The following ABR variants were observed in gnomAD, a reference collection of about 807,000 sequenced individuals.
The protein encoded by ABR is active breakpoint cluster region-related protein.
Under a neutral mutation model 107.2 loss-of-function variants are expected in ABR, and 35 were observed. The ratio of observed to expected loss-of-function variants is 0.33; its 90% CI spans 0.25 to 0.43. The LOEUF (loss-of-function observed/expected upper bound fraction) is 0.43. ABR is among the 20% of genes least tolerant of loss of function. ABR has a pLI of 1.00. For synonymous variants in ABR, 498 were observed against 462.0 expected (o/e 1.08, Z -1.00); for missense variants, 815 against 1,115.2 (o/e 0.73, Z 3.83).
intron 1 of ABR, among the ~76,000 whole-genome samples, chr17:1,136,965 C>T (rs1487673455): frequency 1.3e-5 from 2 of 151,946 alleles, no homozygotes; most frequent in African/African-American, 4.8e-5. Flanking sequence ...TCCAGCCTAT[C>T]TTGGCTTTCA....
chr17:1,063,991 G>A (rs1236730704), intron 10 of ABR, among the ~76,000 whole-genome samples: 3 of 145,178 alleles, frequency 2.1e-5, no homozygotes, highest in African/African-American at 7.6e-5. Context: ...ACACTGTTAT[G>A]TGAACTGAGG....
At chr17:1,065,468 T>C (rs1405164425) in intron 10 of ABR, among the ~76,000 whole-genome samples, 3 of 97,226 alleles carry the variant, frequency 3.1e-5, no homozygotes, top group African/African-American at 1.0e-4. Context: ...GGGCTATGCA[T>C]GTTCCTCTAG....
intron 6 of ABR, among the ~76,000 whole-genome samples, chr17:1,074,840 G>C (rs541271191): frequency 1.2e-4 from 18 of 152,326 alleles, no homozygotes; most frequent in Admixed American, 1.1e-3. Flanking sequence ...CAGCTATTTG[G>C]GAGGCTGAGG....
chr17:1,170,858 A>G (rs1035302201), intron 1 of ABR, among the ~76,000 whole-genome samples: 2 of 152,212 alleles, frequency 1.3e-5, no homozygotes, highest in African/African-American at 2.4e-5. Context: ...GTTTCTATCT[A>G]TGTCCCTCTA....
chr17:1,184,398 T>A (rs1421703107), upstream of ABR, among the ~76,000 whole-genome samples: 3 of 151,828 alleles, frequency 2.0e-5, no homozygotes, highest in African/African-American at 7.3e-5. Flanking sequence ...GAGCTTGCAG[T>A]GAGCTGAGAT....
At chr17:1,145,818 C>T (rs536191881) in intron 1 of ABR, among the ~76,000 whole-genome samples, 3 of 152,320 alleles carry the variant, frequency 2.0e-5, no homozygotes, top group East Asian at 1.9e-4. Flanking sequence ...GGGCTCCTGC[C>T]CCTGTCCGCA....
upstream of ABR, chr17:1,182,329 C>T (rs1302371069): frequency 2.6e-5 from 4 of 152,230 alleles, no homozygotes; most frequent in Admixed American, 2.6e-4. Context: ...AGGGCTGGGA[C>T]TTGAACCCTG....
At chr17:1,080,509 G>T (rs1355669480) in intron 5 of ABR, among the ~76,000 whole-genome samples, 3 of 152,126 alleles carry the variant, frequency 2.0e-5, no homozygotes, top group Non-Finnish European at 4.4e-5. Context: ...GGGTGTGGGA[G>T]GGAAGGCAGG....
chr17:1,026,160 C>A (rs2072176057), intron 16 of ABR, among the ~76,000 whole-genome samples: 1 of 152,250 alleles, frequency 6.6e-6, no homozygotes, highest in Non-Finnish European at 1.5e-5. Context: ...CTGTTCAGCT[C>A]CTTCATTGAG....
upstream of ABR, among the ~76,000 whole-genome samples, chr17:1,182,529 G>C (rs2042168316): frequency 1.3e-5 from 2 of 152,150 alleles, no homozygotes; most frequent in South Asian, 4.1e-4. Flanking sequence ...CACCACGCCT[G>C]GCTAATTTTT....
chr17:1,024,251 C>G (rs2071988121), intron 16 of ABR, among the ~76,000 whole-genome samples: 1 of 152,188 alleles, frequency 6.6e-6, no homozygotes, highest in African/African-American at 2.4e-5. Context: ...ACCGTCTTGC[C>G]TGTTGCTATG....
Position 1,173,545 on chromosome 17 carries a change from C to T in ABR, c.61+6122G>A, listed in dbSNP as rs145884041. 4.2e-3 allele frequency among the ~76,000 whole-genome samples: 639 copies of T among 152,008 alleles called. 1 individual carries two copies. Among genetic ancestry groups the T allele is most frequent in the East Asian group, 0.015 (74 of 5,080 alleles). On this transcript the variant is annotated intron_variant, in intron 1 of 22. Transcript: ENST00000302538. ...CTCCAATCATAAACCCTGGCAAAAGCGCGAGACTCCCTTTGGGGGTCTCTG... is the reference window on the plus strand; with the variant it reads ...CTCCAATCATAAACCCTGGCAAAAGTGCGAGACTCCCTTTGGGGGTCTCTG...
Position 1,059,591 on chromosome 17 carries a change from G to C in ABR, c.1183-724C>G, listed in dbSNP as rs138759344. On this transcript the variant is annotated intron_variant, in intron 10 of 22. Coordinates refer to ENST00000302538, the MANE Select transcript of ABR (RefSeq NM_021962.5). The stretch of plus-strand genomic sequence containing the variant: ...AGGGTTCCAGCCTCCCTGCCCGGCA[G>C]ACAACCCACCAGGTCCCGTCGGCTC... 5.4e-3 allele frequency among the ~76,000 whole-genome samples: 828 copies of C among 152,254 alleles called. 7 individuals are homozygous for C. The highest frequency in any genetic ancestry group is 0.019 in the African/African-American group (791 of 41,542).
intron 14 of ABR, among the ~76,000 whole-genome samples, chr17:1,055,051 T>C (rs4968155): frequency 0.019 from 2,832 of 152,222 alleles, 80 homozygotes; most frequent in Admixed American, 0.073. Flanking sequence ...GACTCACAGA[T>C]TCCCGTGTGG....
At chr17:1,177,945 G>C (rs1247737146) in intron 1 of ABR, 1 of 152,414 alleles carries the variant, frequency 6.6e-6, no homozygotes, top group African/African-American at 2.4e-5. Context: ...GCCTCTGCAG[G>C]GGAAGGAGCA....
chr17:1,037,282 G>C lies in ABR; in HGVS notation c.1791+12768C>G, dbSNP rs1246620171. On this transcript the variant is annotated intron_variant, in intron 16 of 22. Transcript: ENST00000302538. The surrounding 1 kb of genome is among the most constrained non-coding windows in gnomAD (Gnocchi z 4.6). The stretch of plus-strand genomic sequence containing the variant: ...TGTCCTCCCAACTCCCCAAAGGCCT[G>C]TGCCGGCTCATAGGGCAGTCCCGAG... 6.6e-6 allele frequency among the ~76,000 whole-genome samples: 1 copy of C among 152,222 alleles called. No individual in the cohort carries two copies. Among genetic ancestry groups the C allele is most frequent in the Admixed American group, 6.5e-5 (1 of 15,286 alleles).
chr17:1,090,612 G>A (rs1432529346), intron 4 of ABR, among the ~76,000 whole-genome samples: 1 of 152,230 alleles, frequency 6.6e-6, no homozygotes, highest in African/African-American at 2.4e-5. Flanking sequence ...TGACGCCGGA[G>A]GCAGGGAGCT....
intron 1 of ABR, among the ~76,000 whole-genome samples, chr17:1,130,585 C>T (rs1323053710): frequency 6.6e-6 from 1 of 152,168 alleles, no homozygotes; most frequent in Non-Finnish European, 1.5e-5. Context: ...TAGCTCCCTG[C>T]GGTGGGTTCA....
Position 1,079,364 on chromosome 17 carries a change from G to A in ABR, c.666C>T (p.Asp222=). The A allele has an allele frequency of 9.9e-6, 16 of 1,613,724 alleles. No homozygotes were observed. The highest frequency in any genetic ancestry group is 1.4e-5 in the Non-Finnish European group (16 of 1,179,818). Residue 222 remains aspartate, a synonymous_variant, in exon 6 of 23, where the codon GAC becomes GAT. Coordinates refer to ENST00000302538, the MANE Select transcript of ABR (RefSeq NM_021962.5). ...SEELKVKGPK[D]SKDSHTSVTM... Reference sequence around the variant, plus strand: ...TGACAGACGTGTGGCTGTCCTTGGAGTCCTTGGGACCTTTCACTTTGAGTT... The same window carrying A: ...TGACAGACGTGTGGCTGTCCTTGGAATCCTTGGGACCTTTCACTTTGAGTT...
Sources: gnomAD v4.1 joint callset for allele counts (sites outside exome capture counted in the v4.1 genomes callset) on GRCh38, gnomAD v4.1.1 for gene constraint, Gnocchi (gnomAD v3.1) non-coding constraint, MANE v1.5 for transcripts, NCBI Gene and HGNC (gene_info 2026-07-23, HGNC 2026-07-21) for gene names.